The following OMA1 variants were observed in gnomAD, a reference collection of about 807,000 sequenced individuals.
OMA1 encodes metalloendopeptidase OMA1, mitochondrial.
A neutral mutation model predicts 30.9 loss-of-function variants in OMA1; 38 were observed. That is an observed-to-expected ratio of 1.23 (90% CI 0.95 to 1.61). The LOEUF (loss-of-function observed/expected upper bound fraction) is 1.61, where lower values mean the gene tolerates loss of function less well. Ranked by LOEUF, OMA1 falls within the 40% of genes most tolerant of loss-of-function variation. The pLI, the probability that OMA1 is intolerant of heterozygous loss-of-function variation, is 0.00. For missense variants in OMA1, 461 were observed against 349.2 expected (o/e 1.32, Z -2.55); for synonymous variants, 173 against 121.9 (o/e 1.42, Z -2.76).
chr1:58,487,600 G>C (rs1645597267), intron 8 of OMA1, among the ~76,000 whole-genome samples: 1 of 151,990 alleles, frequency 6.6e-6, no homozygotes, highest in African/African-American at 2.4e-5. Context: ...TCAGGGCTAG[G>C]CGTCCTTTTC....
At chr1:58,538,200 C>T (rs6674886) in intron 2 of OMA1, among the ~76,000 whole-genome samples, 148,907 of 152,252 alleles carry the variant, frequency 0.98, 72,901 homozygotes, top group East Asian at 1. Flanking sequence ...ATAAAACAAA[C>T]AAGAGAAAAA....
At chr1:58,533,652 T>C (rs1646471257) in intron 5 of OMA1, among the ~76,000 whole-genome samples, 1 of 152,180 alleles carries the variant, frequency 6.6e-6, no homozygotes. Flanking sequence ...TTAATAATTA[T>C]AGAAAGTTTA....
chr1:58,516,203 C>T (rs1411238571), intron 7 of OMA1, among the ~76,000 whole-genome samples: 1 of 152,188 alleles, frequency 6.6e-6, no homozygotes, highest in African/African-American at 2.4e-5. Flanking sequence ...AACAATCATA[C>T]ACCATGTCAT....
chr1:58,544,873 C>A (rs768453124), intron 1 of OMA1, among the ~76,000 whole-genome samples: 4 of 152,184 alleles, frequency 2.6e-5, no homozygotes, highest in Non-Finnish European at 5.9e-5. Context: ...GGATTATAGG[C>A]CTGAGCCACC....
At chr1:58,501,830 C>T (rs1557443460) in intron 8 of OMA1, among the ~76,000 whole-genome samples, 1 of 152,102 alleles carries the variant, frequency 6.6e-6, no homozygotes, top group African/African-American at 2.4e-5. Context: ...AAGGAGGTAA[C>T]TAAGGTTTAA....
intron 8 of OMA1, among the ~76,000 whole-genome samples, chr1:58,490,869 G>A (rs1232709096): frequency 5.3e-5 from 7 of 132,510 alleles, no homozygotes; most frequent in African/African-American, 8.6e-5. Flanking sequence ...GCAGTGGCGC[G>A]ATCTCGGCTC....
chr1:58,542,695 A>G (rs1458114289), intron 1 of OMA1, among the ~76,000 whole-genome samples: 1 of 152,172 alleles, frequency 6.6e-6, no homozygotes, highest in Non-Finnish European at 1.5e-5. Context: ...CTTGACCTCA[A>G]ATCTGATGAT....
In OMA1 at chr1:58,480,988, C is replaced by T. The variant is rs1257043915; in HGVS notation, c.1552G>A (p.Val518Ile). 9 of 869,016 alleles carry T rather than the reference C, an allele frequency of 1.0e-5. No homozygotes were observed. Among genetic ancestry groups the T allele is most frequent in the African/African-American group, 6.5e-5 (4 of 61,150 alleles). 53.8% of individuals were successfully genotyped at this position (869,016 alleles called of 1,614,324 possible). Residue 518 changes from valine (V) to isoleucine (I), a missense_variant, in exon 9 of 9, where the codon GTT becomes ATT. Transcript: ENST00000371226. ...KQEQIPLTYI[V>I]EKRTGS ...ATTCAACTGCCCGTTCTTTTCTCAA[C>T]TATGTATGTTAATGGTATTTGCTCC...
rs868008506 is a variant in OMA1 at position 58,506,092 on chromosome 1, G to A, written c.1333C>T (p.Arg445Ter). 2.0e-5 allele frequency: 17 copies of A among 871,498 alleles called. No individual in the cohort carries two copies. The highest frequency in any genetic ancestry group is 3.3e-5 in the African/African-American group (2 of 61,286). 54.0% of individuals were successfully genotyped at this position (871,498 alleles called of 1,614,324 possible). ...WLSTHPSHGNRVEYLDRLIPQ... is the reference protein window; with the variant it reads ...WLSTHPSHGN Reference sequence around the variant, plus strand: ...ATAAGTCTATCCAAGTACTCAACTCGATTGCCATGAGAAGGGTGTGTAGAT... The same window carrying A: ...ATAAGTCTATCCAAGTACTCAACTCAATTGCCATGAGAAGGGTGTGTAGAT... Residue 445 changes from arginine (R) to a stop codon, truncating the protein, a stop_gained, in exon 8 of 9, where the codon CGA (arginine) becomes TGA (stop). Coordinates refer to ENST00000371226, the MANE Select transcript of OMA1 (RefSeq NM_145243.5). LOFTEE classifies it high-confidence loss of function.
chr1:58,506,035 C>A, intron 8 of OMA1, 25 bp downstream of exon 8: 1 of 828,782 alleles, frequency 1.2e-6, no homozygotes, highest in Admixed American at 1.7e-5. Flanking sequence ...AAAATAATGT[C>A]CCGCCTTCTA....
chr1:58,517,806 A>G (rs1446432715), intron 7 of OMA1, among the ~76,000 whole-genome samples: 2 of 152,012 alleles, frequency 1.3e-5, no homozygotes, highest in Non-Finnish European at 2.9e-5. Flanking sequence ...TTAAATGTCA[A>G]TCCAAAGTAG....
intron 2 of OMA1, among the ~76,000 whole-genome samples, chr1:58,538,524 A>T (rs1190021623): frequency 6.6e-6 from 1 of 152,186 alleles, no homozygotes; most frequent in Non-Finnish European, 1.5e-5. Flanking sequence ...AAATGTAAGA[A>T]TAACTTTTTA....
intron 8 of OMA1, among the ~76,000 whole-genome samples, chr1:58,486,390 C>T (rs975390671): frequency 3.9e-5 from 6 of 152,140 alleles, no homozygotes; most frequent in African/African-American, 1.2e-4. Flanking sequence ...CTATTTCCTG[C>T]GACCATCTTT....
At chr1:58,487,390 G>A (rs977832970) in intron 8 of OMA1, among the ~76,000 whole-genome samples, 8 of 152,196 alleles carry the variant, frequency 5.3e-5, no homozygotes, top group Non-Finnish European at 7.4e-5. Context: ...ATATAATATC[G>A]TATTGTCAAT....
chr1:58,515,717 G>T (rs1348844538), intron 7 of OMA1, among the ~76,000 whole-genome samples: 1 of 152,164 alleles, frequency 6.6e-6, no homozygotes, highest in Non-Finnish European at 1.5e-5. Flanking sequence ...AAGATACTTT[G>T]CTGTGATGAA....
At chr1:58,505,533 G>C (rs1007719198) in intron 8 of OMA1, among the ~76,000 whole-genome samples, 1 of 151,926 alleles carries the variant, frequency 6.6e-6, no homozygotes, top group Non-Finnish European at 1.5e-5. Context: ...GAATTCTACA[G>C]AAAGAAAAGC....
At chr1:58,512,545 T>C (rs1048049103) in intron 7 of OMA1, among the ~76,000 whole-genome samples, 24 of 152,262 alleles carry the variant, frequency 1.6e-4, no homozygotes, top group Middle Eastern at 6.8e-3. Context: ...GGTATAAACA[T>C]ACATCAAAAT....
At chr1:58,542,996 A>C (rs1421736965) in intron 1 of OMA1, among the ~76,000 whole-genome samples, 1 of 152,178 alleles carries the variant, frequency 6.6e-6, no homozygotes, top group African/African-American at 2.4e-5. Context: ...TTTTTAAAAA[A>C]AAAAAAGTGG....
intron 7 of OMA1, among the ~76,000 whole-genome samples, chr1:58,508,319 A>G (rs1055983058): frequency 6.6e-6 from 1 of 152,228 alleles, no homozygotes. Flanking sequence ...AGGAAAAATA[A>G]GTAACAGGTT....
Sources: gnomAD v4.1 joint callset for allele counts (sites outside exome capture counted in the v4.1 genomes callset) on GRCh38, gnomAD v4.1.1 for gene constraint, MANE v1.5 for transcripts, NCBI Gene and HGNC (gene_info 2026-07-23, HGNC 2026-07-21) for gene names.